Variants in TMEFF2 observed in about 807,000 individuals in gnomAD.
TMEFF2 encodes the protein tomoregulin-2.
TMEFF2 carries 28 observed loss-of-function variants against 53.8 expected under a neutral mutation model. The ratio of observed to expected loss-of-function variants is 0.52; its 90% CI spans 0.39 to 0.71. The LOEUF (loss-of-function observed/expected upper bound fraction) is 0.71, where lower values mean the gene tolerates loss of function less well. TMEFF2 is among the 30% of genes least tolerant of loss of function. The pLI is 0.00. For missense variants in TMEFF2, 353 were observed against 455.2 expected (o/e 0.78, Z 2.04); for synonymous variants, 162 against 166.3 (o/e 0.97, Z 0.20).
chr2:192,023,004 A>C (rs1686891333), intron 5 of TMEFF2, among the ~76,000 whole-genome samples: 1 of 151,750 alleles, frequency 6.6e-6, no homozygotes, highest in Non-Finnish European at 1.5e-5. Flanking sequence ...AGATTTTTTT[A>C]TCTTTTTTTT....
rs564250944 is a variant in TMEFF2, at chr2:192,176,278, A to C, written c.439+3390T>G. ...TTGAATTTTTTTTTGTCAGGTGTGA[A>C]TCTATCCAACAAGTTTATTTGATGT... On this transcript the variant is annotated intron_variant, in intron 4 of 9. Coordinates refer to ENST00000272771, the MANE Select transcript of TMEFF2 (RefSeq NM_016192.4). Among the ~76,000 whole-genome samples the C allele has an allele frequency of 2.6e-4, 40 of 151,466 alleles. No individual in the cohort carries two copies. The South Asian group carries it at 6.4e-3, about 24-fold the overall frequency.
At chr2:191,953,608 A>C in intron 9 of TMEFF2, 71 bp downstream of exon 9, 1 of 1,550,676 alleles carries the variant, frequency 6.4e-7, no homozygotes, top group South Asian at 1.2e-5. Flanking sequence ...CTCACCTCGG[A>C]GGGATCTGAT....
chr2:192,075,237 C>T (rs1017999191), intron 4 of TMEFF2, among the ~76,000 whole-genome samples: 29 of 136,930 alleles, frequency 2.1e-4, no homozygotes, highest in African/African-American at 7.8e-4. Flanking sequence ...GATTAGCATG[C>T]CTATCTCATC....
intron 4 of TMEFF2, among the ~76,000 whole-genome samples, chr2:192,103,267 G>A (rs922541717): frequency 2.0e-5 from 3 of 152,022 alleles, no homozygotes; most frequent in East Asian, 1.9e-4. Context: ...AATTGCTGTC[G>A]TATTTCCTTT....
At chr2:192,152,629 CT>C (rs1398274623) in intron 4 of TMEFF2, among the ~76,000 whole-genome samples, 1 of 151,438 alleles carries the variant, frequency 6.6e-6, no homozygotes, top group Non-Finnish European at 1.5e-5. Context: ...CAGATAGTTG[CT>C]ATGAATCTAT....
chr2:191,997,507 A>G (rs1335684920), intron 7 of TMEFF2, among the ~76,000 whole-genome samples: 1 of 151,632 alleles, frequency 6.6e-6, no homozygotes, highest in African/African-American at 2.4e-5. Context: ...ATCTAAATGA[A>G]AAGCTCTGCC....
At chr2:192,083,308 T>A (rs1688595855) in intron 4 of TMEFF2, among the ~76,000 whole-genome samples, 1 of 152,162 alleles carries the variant, frequency 6.6e-6, no homozygotes, top group Admixed American at 6.5e-5. Flanking sequence ...TCAGGTGATC[T>A]GAAGGCTGGG....
intron 7 of TMEFF2, 70 bp from the exon 8 acceptor site, chr2:191,956,448 GAAGCA>G: frequency 6.6e-7 from 1 of 1,514,440 alleles, no homozygotes; most frequent in African/African-American, 1.4e-5. Flanking sequence ...AGTACATTAA[GAAGCA>G]AAGCTATGGT....
intron 2 of TMEFF2, among the ~76,000 whole-genome samples, chr2:192,189,801 A>G (rs7581930): frequency 0.63 from 95,945 of 151,806 alleles, 30,544 homozygotes; most frequent in Non-Finnish European, 0.66. Context: ...TTGATTTTCA[A>G]CTTAATTCAG....
chr2:192,178,736 C>T lies in TMEFF2; in HGVS notation c.439+932G>A, dbSNP rs542231115. ...AATATCTGCCACCCTGAACCCAAGGCCTTCTTTTACTTATCTTTTATCAAA... is the reference window on the plus strand; with the variant it reads ...AATATCTGCCACCCTGAACCCAAGGTCTTCTTTTACTTATCTTTTATCAAA... On this transcript the variant is annotated intron_variant, in intron 4 of 9. Transcript: ENST00000272771. 2.0e-5 allele frequency: 3 copies of T among 151,250 alleles called. No homozygotes were observed. In the South Asian group the frequency reaches 6.2e-4, roughly 31 times the overall value. 9.4% of individuals were successfully genotyped at this position (151,250 alleles called of 1,614,324 possible). A position where few individuals can be genotyped will look rare whatever the true frequency, so the allele number is the denominator to read the frequency against.
At chr2:192,092,686 G>A (rs1326461166) in intron 4 of TMEFF2, among the ~76,000 whole-genome samples, 1 of 152,082 alleles carries the variant, frequency 6.6e-6, no homozygotes, top group East Asian at 1.9e-4. Context: ...TGAGTATCTG[G>A]TTGGGCTCAA....
chr2:191,950,542 G>T, intron 9 of TMEFF2, 135 bp from the exon 10 acceptor site: 3 of 1,293,358 alleles, frequency 2.3e-6, no homozygotes, highest in Non-Finnish European at 3.3e-6. Context: ...ATTAGTAGAA[G>T]CTTGGATTAT....
At chr2:192,130,812 G>A (rs181781266) in intron 4 of TMEFF2, among the ~76,000 whole-genome samples, 17 of 152,002 alleles carry the variant, frequency 1.1e-4, no homozygotes, top group East Asian at 7.9e-4. Flanking sequence ...ACACGGACAC[G>A]CATGAAATTT....
At chr2:192,058,561 G>T (rs148427595) in intron 4 of TMEFF2, among the ~76,000 whole-genome samples, 85 of 152,150 alleles carry the variant, frequency 5.6e-4, no homozygotes, top group African/African-American at 1.9e-3. Flanking sequence ...TCAAAATCAG[G>T]ATACAACAGT....
At chr2:192,128,222 A>C (rs1342799073) in intron 4 of TMEFF2, among the ~76,000 whole-genome samples, 1 of 152,236 alleles carries the variant, frequency 6.6e-6, no homozygotes. Context: ...ATTTTTGCTC[A>C]ATGTCTATAC....
intron 4 of TMEFF2, chr2:192,177,522 G>A (rs1378774675): frequency 6.6e-6 from 1 of 151,016 alleles, no homozygotes; most frequent in Admixed American, 6.6e-5. Context: ...TATGCAATTA[G>A]GAGCAAATAC....
At chr2:192,044,904 G>C (rs978629465) in intron 5 of TMEFF2, among the ~76,000 whole-genome samples, 2 of 152,102 alleles carry the variant, frequency 1.3e-5, no homozygotes, top group African/African-American at 4.8e-5. Flanking sequence ...TACTCGCAAA[G>C]CCATGAAGTT....
intron 4 of TMEFF2, among the ~76,000 whole-genome samples, chr2:192,076,169 T>C (rs1419875891): frequency 6.6e-6 from 1 of 152,056 alleles, no homozygotes; most frequent in South Asian, 2.1e-4. Flanking sequence ...AAAAGTCTTT[T>C]TTTCCAACTT....
chr2:192,192,955 C>CA (rs1004798200), intron 1 of TMEFF2, among the ~76,000 whole-genome samples: 1 of 151,978 alleles, frequency 6.6e-6, no homozygotes, highest in Non-Finnish European at 1.5e-5. Flanking sequence ...TAGAAACTGC[C>CA]AAAAAAGAGA....
Sources: gnomAD v4.1 joint callset for allele counts (sites outside exome capture counted in the v4.1 genomes callset) on GRCh38, gnomAD v4.1.1 for gene constraint, MANE v1.5 for transcripts, NCBI Gene and HGNC (gene_info 2026-07-23, HGNC 2026-07-21) for gene names.